Variants in NAALADL2 observed in about 807,000 individuals in gnomAD.
NAALADL2 encodes the protein inactive N-acetylated-alpha-linked acidic dipeptidase-like protein 2.
NAALADL2 carries 76 observed loss-of-function variants against 87.2 expected under a neutral mutation model. The observed-to-expected ratio is 0.87, with a 90% CI of 0.72 to 1.05. The LOEUF (loss-of-function observed/expected upper bound fraction) is 1.05. NAALADL2 is among the 50% of genes least tolerant of loss of function. NAALADL2 has a pLI of 0.00. For synonymous variants in NAALADL2, 354 were observed against 331.0 expected, an observed-to-expected ratio of 1.07 and a Z score of -0.75; for missense variants, 1,089 against 945.8, an observed-to-expected ratio of 1.15 and a Z score of -1.99.
rs566121947 is a variant in NAALADL2, at chr3:174,898,068, C to G, written c.43+38618C>G. The stretch of plus-strand genomic sequence containing the variant: ...GCGGAGCTTGCAGTGAGCCGAGATC[C>G]CGCCACTGCACTCCAGCCTGGGTGA... On this transcript the variant is annotated intron_variant, in intron 1 of 13. Transcript: ENST00000454872. 3.9e-4 allele frequency among the ~76,000 whole-genome samples: 46 copies of G among 116,506 alleles called. 3 individuals carry two copies. The highest frequency in any genetic ancestry group is 4.4e-3 in the Middle Eastern group (1 of 228). The allele number at this position is 116,506 out of a possible 152,430, so 76.4% of individuals were successfully genotyped here.
At chr3:175,087,356 G>A (rs565909581) in intron 1 of NAALADL2, among the ~76,000 whole-genome samples, 204 of 152,086 alleles carry the variant, frequency 1.3e-3, no homozygotes, top group Non-Finnish European at 2.3e-3. Flanking sequence ...CGGCCGCCCC[G>A]TCTGGGAAGT....
intron 1 of NAALADL2, among the ~76,000 whole-genome samples, chr3:174,535,621 T>G (rs2108451521): frequency 6.6e-6 from 1 of 152,232 alleles, no homozygotes; most frequent in East Asian, 1.9e-4. Flanking sequence ...ATAAAGTAAA[T>G]ATTACTTTAC....
intron 1 of NAALADL2, among the ~76,000 whole-genome samples, chr3:174,503,221 C>G (rs1051826900): frequency 1.3e-5 from 2 of 152,072 alleles, no homozygotes; most frequent in African/African-American, 4.8e-5. Flanking sequence ...GTATCTGGCA[C>G]CTCCCAGGTA....
At chr3:174,811,848 G>C (rs1720248209) in intron 3 of NAALADL2, among the ~76,000 whole-genome samples, 1 of 152,204 alleles carries the variant, frequency 6.6e-6, no homozygotes, top group African/African-American at 2.4e-5. Context: ...CCTGGTGTGA[G>C]ATTACTGGAT....
intron 9 of NAALADL2, among the ~76,000 whole-genome samples, chr3:175,569,010 T>A (rs1717636877): frequency 6.6e-6 from 1 of 152,222 alleles, no homozygotes; most frequent in Admixed American, 6.5e-5. Context: ...GCCTGTTTCA[T>A]AATTGAATGG....
At chr3:174,727,196 G>GTT (rs1411990269) in intron 2 of NAALADL2, among the ~76,000 whole-genome samples, 2 of 138,664 alleles carry the variant, frequency 1.4e-5, no homozygotes, top group African/African-American at 5.3e-5. Flanking sequence ...TTGTTTTCTT[G>GTT]TTTTTTTTTC....
At position 174,900,013 on chromosome 3, in the gene NAALADL2, C is replaced by T. The variant is rs929207119; in HGVS notation, c.43+40563C>T. On this transcript the variant is annotated intron_variant, in intron 1 of 13. Coordinates refer to ENST00000454872, the MANE Select transcript of NAALADL2 (RefSeq NM_207015.3). Reference sequence around the variant, plus strand: ...TTATATATTAATTTCAACCAAATTTCAGTCAATATTTGTTTAGAAGTTTGG... The same window carrying T: ...TTATATATTAATTTCAACCAAATTTTAGTCAATATTTGTTTAGAAGTTTGG... Among the ~76,000 whole-genome samples the T allele has an allele frequency of 1.3e-4, 20 of 151,904 alleles. No individual in the cohort carries two copies. The South Asian group carries it at 2.3e-3, about 17-fold the overall frequency.
intron 3 of NAALADL2, among the ~76,000 whole-genome samples, chr3:174,796,212 C>A (rs551871326): frequency 1.1e-4 from 16 of 152,294 alleles, no homozygotes; most frequent in African/African-American, 3.8e-4. Flanking sequence ...AAAAAAGCAA[C>A]AACCTTATTG....
At chr3:174,948,162 C>CTTAT (rs140866333) in intron 1 of NAALADL2, among the ~76,000 whole-genome samples, 5,757 of 150,164 alleles carry the variant, frequency 0.038, 289 homozygotes, top group African/African-American at 0.12. Context: ...CCATATAGAA[C>CTTAT]TTATTTATTT....
At chr3:174,779,248 CATAT>C (rs1371335439) in intron 3 of NAALADL2, among the ~76,000 whole-genome samples, 1 of 152,056 alleles carries the variant, frequency 6.6e-6, no homozygotes, top group East Asian at 1.9e-4. Context: ...AGCTTTTTTT[CATAT>C]GTTTGTTGGC....
At chr3:175,008,277 G>C (rs565654802) in intron 1 of NAALADL2, among the ~76,000 whole-genome samples, 2 of 152,006 alleles carry the variant, frequency 1.3e-5, no homozygotes, top group Non-Finnish European at 1.5e-5. Context: ...CTGGCTACTC[G>C]GGAGGCTAAG....
At chr3:175,338,599 A>C (rs1445290842) in intron 5 of NAALADL2, among the ~76,000 whole-genome samples, 2 of 109,524 alleles carry the variant, frequency 1.8e-5, no homozygotes, top group Non-Finnish European at 3.9e-5. Context: ...AAAACCAAAA[A>C]AAAAAAAAAA....
intron 11 of NAALADL2, among the ~76,000 whole-genome samples, chr3:175,632,336 T>C (rs1437469581): frequency 6.7e-6 from 1 of 148,928 alleles, no homozygotes; most frequent in Non-Finnish European, 1.5e-5. Flanking sequence ...AAGATACACT[T>C]GCTTCCCCTT....
chr3:175,765,322 T>G (rs1316925871), intron 13 of NAALADL2, among the ~76,000 whole-genome samples: 1 of 152,076 alleles, frequency 6.6e-6, no homozygotes, highest in African/African-American at 2.4e-5. Context: ...CTTTAATATT[T>G]TTAAAGTTTC....
intron 2 of NAALADL2, among the ~76,000 whole-genome samples, chr3:175,115,707 G>T (rs1286338286): frequency 6.6e-6 from 1 of 151,566 alleles, no homozygotes; most frequent in African/African-American, 2.4e-5. Flanking sequence ...TGCTTGGATA[G>T]GATATTTCCT....
chr3:175,252,022 A>C (rs2109781129), intron 3 of NAALADL2, among the ~76,000 whole-genome samples: 1 of 152,362 alleles, frequency 6.6e-6, no homozygotes, highest in East Asian at 1.9e-4. Flanking sequence ...TGAGTTGAAG[A>C]GCTATTTAAT....
rs530821005 is a variant in NAALADL2, at chr3:175,786,758, T to TGGAGGA, written c.2190-16230_2190-16225dup. ...TTGCTGGTGAGGAACTGCGTTCCTT[T>TGGAGGA]GGAGGAGGAGGAGGAGGAGGAGAGG... On this transcript the variant is annotated intron_variant, in intron 13 of 13. Transcript: ENST00000454872. 4.2e-3 allele frequency among the ~76,000 whole-genome samples: 639 copies of TGGAGGA among 150,912 alleles called. 4 individuals carry two copies. The highest frequency in any genetic ancestry group is 0.015 in the African/African-American group (611 of 40,326).
chr3:175,747,851 T>C (rs1746128277), intron 12 of NAALADL2, among the ~76,000 whole-genome samples: 1 of 152,190 alleles, frequency 6.6e-6, no homozygotes, highest in African/African-American at 2.4e-5. Context: ...TGACAACATC[T>C]ATAGGTCACA....
chr3:175,568,670 G>A (rs1011431198), intron 9 of NAALADL2, among the ~76,000 whole-genome samples: 10 of 152,170 alleles, frequency 6.6e-5, no homozygotes, highest in African/African-American at 1.9e-4. Context: ...AAGCTGCTAA[G>A]CCCTATATAG....
Sources: allele counts gnomAD v4.1 joint callset (sites outside exome capture counted in the v4.1 genomes callset), GRCh38; gene constraint gnomAD v4.1.1; transcripts MANE v1.5; gene names NCBI Gene and HGNC (gene_info 2026-07-23, HGNC 2026-07-21).